The following ARL6IP5 variants were observed in gnomAD, a reference collection of about 807,000 sequenced individuals.
ARL6IP5 encodes the protein PRA1 family protein 3.
ARL6IP5 carries 6 observed loss-of-function variants against 13.0 expected under a neutral mutation model. That is an observed-to-expected ratio of 0.46 (90% CI 0.25 to 0.91). The LOEUF is 0.91. Among genes scored for constraint, ARL6IP5 ranks in the 40% least tolerant of loss-of-function variants. The pLI, the probability that ARL6IP5 is intolerant of heterozygous loss-of-function variation, is 0.17. For missense variants in ARL6IP5, 208 were observed against 248.8 expected (o/e 0.84, Z 1.10); for synonymous variants, 91 against 91.9 (o/e 0.99, Z 0.06).
At chr3:69,100,752 G>A (rs2092302591) in intron 1 of ARL6IP5, among the ~76,000 whole-genome samples, 1 of 150,844 alleles carries the variant, frequency 6.6e-6, no homozygotes, top group African/African-American at 2.4e-5. Flanking sequence ...CTGCACTCCA[G>A]CCTGGGTGAC....
At chr3:69,101,316 C>CTTTTTTTTTTTTTTCTTTTT (rs2092304487) in intron 1 of ARL6IP5, among the ~76,000 whole-genome samples, 1 of 119,446 alleles carries the variant, frequency 8.4e-6, no homozygotes, top group South Asian at 3.0e-4. Context: ...TCAGCTCCAC[C>CTTTTTTTTTTTTTTCTTTTT]TTTTTTTTTT....
intron 1 of ARL6IP5, among the ~76,000 whole-genome samples, chr3:69,088,341 G>C (rs968576667): frequency 6.6e-6 from 1 of 152,176 alleles, no homozygotes; most frequent in African/African-American, 2.4e-5. Context: ...GAATATCTTG[G>C]TAGAGTATAT....
Position 69,104,926 on chromosome 3 carries a change from A to G in ARL6IP5, c.*290A>G, listed in dbSNP as rs796189353. The G allele has an allele frequency of 6.6e-5, 46 of 694,926 alleles. No homozygotes were observed. The African/African-American group carries it at 7.1e-4, about 11-fold the overall frequency. 43.0% of individuals were successfully genotyped at this position (694,926 alleles called of 1,614,324 possible). ...TTTCTTTAAGGGAATTAAAAAAAAT[A>G]AAAGAATTACGGCTTTTACAGCAAC... On this transcript the variant is annotated 3_prime_UTR_variant, in exon 3 of 3. Coordinates refer to ENST00000273258, the MANE Select transcript of ARL6IP5 (RefSeq NM_006407.4).
chr3:69,085,284 T>C, intron 1 of ARL6IP5, 61 bp downstream of exon 1: 1 of 1,549,430 alleles, frequency 6.5e-7, no homozygotes, highest in East Asian at 2.3e-5. Context: ...GGCCTCGGGG[T>C]GCAAGATCCC....
At position 69,105,820 on chromosome 3, in the gene ARL6IP5, G is replaced by A. The variant is rs2092320592; in HGVS notation, c.*1184G>A. 1 of 152,170 alleles carries A rather than the reference G, an allele frequency of 6.6e-6. No individual in the cohort carries two copies. The allele number at this position is 152,170 out of a possible 1,614,324, so 9.4% of individuals were successfully genotyped here. A position where few individuals can be genotyped will look rare whatever the true frequency, so the allele number is the denominator to read the frequency against. ...CCAATTGAATGATTTCGTAGCTGAA[G>A]TAGAAACATTTAGGTTTCTGTAGCA... is the stretch of plus-strand genomic sequence containing the variant. On this transcript the variant is annotated 3_prime_UTR_variant, in exon 3 of 3. Coordinates refer to ENST00000273258, the MANE Select transcript of ARL6IP5 (RefSeq NM_006407.4).
At chr3:69,091,827 C>T (rs1367884172) in intron 1 of ARL6IP5, among the ~76,000 whole-genome samples, 1 of 151,986 alleles carries the variant, frequency 6.6e-6, no homozygotes, top group Non-Finnish European at 1.5e-5. Flanking sequence ...TCTCCATCAG[C>T]TTAGGGACAG....
At position 69,104,485 on chromosome 3, in the gene ARL6IP5, T is replaced by G. The variant is rs1225078847; in HGVS notation, c.416T>G (p.Leu139Trp). ...GCAGTGATGTTTATCCATGCATCGT[T>G]GAGACTTCGGAACCTCAAGAACAAA... ...PLLLMFIHAS[L>W]RLRNLKNKLE... is the part of the protein sequence containing the mutation. Residue 139 changes from leucine to tryptophan, a missense_variant, in exon 3 of 3, where the codon TTG (leucine) becomes TGG (tryptophan). Leu to Trp is a moderately conservative substitution (Grantham distance 61). Coordinates refer to ENST00000273258, the MANE Select transcript of ARL6IP5 (RefSeq NM_006407.4). The G allele has an allele frequency of 6.2e-7, 1 of 1,613,876 alleles. No homozygotes were observed. Among genetic ancestry groups the G allele is most frequent in the South Asian group, 1.1e-5 (1 of 91,062 alleles).
intron 1 of ARL6IP5, chr3:69,089,700 A>T (rs1436746261): frequency 9.5e-6 from 4 of 422,368 alleles, no homozygotes; most frequent in Non-Finnish European, 1.9e-5. Context: ...GTATGGCCTC[A>T]GAATCACCAA....
chr3:69,095,683 T>C (rs1483731207), intron 1 of ARL6IP5, among the ~76,000 whole-genome samples: 1 of 152,088 alleles, frequency 6.6e-6, no homozygotes, highest in Non-Finnish European at 1.5e-5. Flanking sequence ...TTAGTAGAGA[T>C]GGGGTTTCGC....
At chr3:69,086,783 C>T (rs536899635) in intron 1 of ARL6IP5, among the ~76,000 whole-genome samples, 71 of 134,868 alleles carry the variant, frequency 5.3e-4, no homozygotes, top group African/African-American at 2.0e-3. Flanking sequence ...AGTGCAGTGG[C>T]GTGATCTCGT....
In ARL6IP5 at chr3:69,104,708, G is replaced by A; in HGVS notation, c.*72G>A. ...TTGCCCTTGTCCAGACCTATGTTCT[G>A]CTTGCGTTTTTGAAACAGGAGGTGC... On this transcript the variant is annotated 3_prime_UTR_variant, in exon 3 of 3. Transcript: ENST00000273258. 1.3e-6 allele frequency: 2 copies of A among 1,547,726 alleles called. No individual in the cohort carries two copies. The highest frequency in any genetic ancestry group is 1.8e-6 in the Non-Finnish European group (2 of 1,134,396).
intron 1 of ARL6IP5, among the ~76,000 whole-genome samples, chr3:69,094,205 G>C (rs1204505557): frequency 6.6e-6 from 1 of 152,180 alleles, no homozygotes; most frequent in Non-Finnish European, 1.5e-5. Context: ...CTAGCCCTGA[G>C]AGTTCCCTCA....
At chr3:69,086,728 T>TC (rs1275895302) in intron 1 of ARL6IP5, among the ~76,000 whole-genome samples, 2 of 150,736 alleles carry the variant, frequency 1.3e-5, no homozygotes, top group South Asian at 2.1e-4. Context: ...ATTTCTTTTT[T>TC]TTTTTTTTTT....
At chr3:69,091,803 T>C (rs2092268346) in intron 1 of ARL6IP5, among the ~76,000 whole-genome samples, 1 of 152,026 alleles carries the variant, frequency 6.6e-6, no homozygotes, top group Non-Finnish European at 1.5e-5. Flanking sequence ...CCCCCTGTCT[T>C]AGAAAGGAGA....
chr3:69,103,652 G>T (rs1176491543), intron 2 of ARL6IP5, among the ~76,000 whole-genome samples: 1 of 152,156 alleles, frequency 6.6e-6, no homozygotes, highest in Non-Finnish European at 1.5e-5. Flanking sequence ...CATCTGGAGT[G>T]ATTATTAAAA....
chr3:69,102,338 C>G (rs572922000), intron 2 of ARL6IP5: 1 of 442,702 alleles, frequency 2.3e-6, no homozygotes, highest in Non-Finnish European at 4.2e-6. Context: ...ATGGGGTCTA[C>G]TCTGTCACCC....
chr3:69,085,324 C>G, intron 1 of ARL6IP5, 101 bp downstream of exon 1: 1 of 1,403,942 alleles, frequency 7.1e-7, no homozygotes, highest in South Asian at 1.4e-5. Context: ...TGACCACGCT[C>G]AGCGCCTGCC....
intron 1 of ARL6IP5, among the ~76,000 whole-genome samples, chr3:69,100,463 G>C (rs1013702473): frequency 6.6e-6 from 1 of 152,058 alleles, no homozygotes. Context: ...GTAAGAGAGC[G>C]ATTCAGGCCA....
At chr3:69,102,180 A>C in intron 2 of ARL6IP5, 124 bp downstream of exon 2, 1 of 1,037,124 alleles carries the variant, frequency 9.6e-7, no homozygotes, top group Non-Finnish European at 1.4e-6. Context: ...AATTTTCTAA[A>C]ACAGCTTTCT....
Sources: allele counts gnomAD v4.1 joint callset (sites outside exome capture counted in the v4.1 genomes callset), GRCh38; gene constraint gnomAD v4.1.1; transcripts MANE v1.5; gene names NCBI Gene and HGNC (gene_info 2026-07-23, HGNC 2026-07-21).